ANKRD31: variants seen among roughly 807,000 people sequenced by gnomAD.
ANKRD31 encodes ankyrin repeat domain-containing protein 31.
ANKRD31 carries 147 observed loss-of-function variants against 186.0 expected under a neutral mutation model. The ratio of observed to expected loss-of-function variants is 0.79; its 90% CI spans 0.69 to 0.91. ANKRD31 has a LOEUF of 0.91. Ranked by LOEUF, ANKRD31 falls within the 40% of genes least tolerant of loss-of-function variation. The pLI is 0.00. For synonymous variants in ANKRD31, 673 were observed against 736.4 expected (o/e 0.91, Z 1.39); for missense variants, 1,986 against 2,148.8 (o/e 0.92, Z 1.50).
intron 10 of ANKRD31, among the ~76,000 whole-genome samples, chr5:75,187,301 A>G (rs1279623643): frequency 1.3e-5 from 2 of 152,040 alleles, no homozygotes; most frequent in Admixed American, 6.6e-5. Context: ...TAAGAAGGAA[A>G]AGTAGAGAAC....
rs1749349756 is a variant in ANKRD31, at chr5:75,127,529, C to T, written c.3877-9232G>A. Among the ~76,000 whole-genome samples the T allele has an allele frequency of 3.3e-5, 5 of 152,000 alleles. 1 individual carries two copies. The Middle Eastern group carries it at 0.017, about 517-fold the overall frequency. On this transcript the variant is annotated intron_variant, in intron 17 of 25. Transcript: ENST00000506364. ...TGCTAGTAACATACTGTCTTGATTA[C>T]TATAGCTATGGAATACATATCTACA... is the stretch of plus-strand genomic sequence containing the variant.
intron 10 of ANKRD31, among the ~76,000 whole-genome samples, chr5:75,187,523 T>C (rs1249026468): frequency 1.3e-5 from 2 of 150,064 alleles, no homozygotes; most frequent in Non-Finnish European, 3.0e-5. Context: ...AAAGTCAAAA[T>C]TGGCTGCATA....
chr5:75,206,786 C>T (rs948962153), intron 4 of ANKRD31, among the ~76,000 whole-genome samples: 2 of 152,036 alleles, frequency 1.3e-5, no homozygotes, highest in African/African-American at 2.4e-5. Context: ...CAAATAGGGG[C>T]AGGAAGGTCA....
intron 10 of ANKRD31, 111 bp downstream of exon 10, chr5:75,188,382 C>G: frequency 9.7e-7 from 1 of 1,032,030 alleles, no homozygotes; most frequent in Non-Finnish European, 1.3e-6. Flanking sequence ...GATCTGAAAG[C>G]CTTCTGTTTG....
intron 3 of ANKRD31, among the ~76,000 whole-genome samples, chr5:75,212,632 ACTGATTCTGCCTAAT>A (rs1756724802): frequency 6.6e-6 from 1 of 152,144 alleles, no homozygotes; most frequent in Non-Finnish European, 1.5e-5. Context: ...CCAACTCAAA[ACTGATTCTGCCTAAT>A]TCTTAATACA....
chr5:75,180,258 T>C (rs537297626), intron 10 of ANKRD31, among the ~76,000 whole-genome samples: 2 of 152,112 alleles, frequency 1.3e-5, no homozygotes, highest in Non-Finnish European at 2.9e-5. Flanking sequence ...GGAAGAACAT[T>C]CCATGCTCAT....
At chr5:75,098,447 G>GT (rs1382548701) in intron 22 of ANKRD31, among the ~76,000 whole-genome samples, 1 of 151,134 alleles carries the variant, frequency 6.6e-6, no homozygotes, top group Non-Finnish European at 1.5e-5. Flanking sequence ...CTTTCAAGTA[G>GT]TTTTTTCCAA....
chr5:75,188,864 C>T (rs1754912860), intron 9 of ANKRD31, among the ~76,000 whole-genome samples: 2 of 151,964 alleles, frequency 1.3e-5, no homozygotes, highest in Admixed American at 6.6e-5. Flanking sequence ...GAGACAAATG[C>T]CACTAGTCTT....
intron 10 of ANKRD31, among the ~76,000 whole-genome samples, chr5:75,188,256 C>T (rs900662485): frequency 6.6e-6 from 1 of 152,154 alleles, no homozygotes; most frequent in African/African-American, 2.4e-5. Flanking sequence ...CTGCACATAA[C>T]CCACCTGGCA....
At chr5:75,165,796 T>C (rs1034844821) in intron 11 of ANKRD31, among the ~76,000 whole-genome samples, 9 of 152,162 alleles carry the variant, frequency 5.9e-5, no homozygotes, top group African/African-American at 2.2e-4. Flanking sequence ...ATAAAAATCC[T>C]AAAATATAGA....
intron 21 of ANKRD31, among the ~76,000 whole-genome samples, chr5:75,107,180 A>T (rs1456930718): frequency 6.6e-6 from 1 of 152,044 alleles, no homozygotes; most frequent in African/African-American, 2.4e-5. Flanking sequence ...TGTGACAGCA[A>T]AAAAGAAACT....
chr5:75,128,226 G>C lies in ANKRD31; in HGVS notation c.3876+9630C>G, dbSNP rs565309334. On this transcript the variant is annotated intron_variant, in intron 17 of 25. Transcript: ENST00000506364. The stretch of plus-strand genomic sequence containing the variant: ...TGAACAATGAAAACACATGGACACA[G>C]GGAGGGGAACATCACACACTGGGGC... Among the ~76,000 whole-genome samples the C allele has an allele frequency of 1.7e-4, 25 of 151,452 alleles. No homozygotes were observed. The South Asian group carries it at 5.3e-3, about 32-fold the overall frequency.
chr5:75,188,507 T>C lies in ANKRD31; in HGVS notation c.1550A>G (p.Gln517Arg). ...TCCTAACTTACCAGCATAACTTGGCTGATTAACATTTCCACCTTTTTTTAT... is the reference window on the plus strand; with the variant it reads ...TCCTAACTTACCAGCATAACTTGGCCGATTAACATTTCCACCTTTTTTTAT... ...HCIKKGGNVN[Q>R]PSYAGWTALH... The change falls in exon 10 of 26, where the codon CAG becomes CGG. Residue 517 changes from glutamine to arginine, a missense_variant. Transcript: ENST00000506364. The C allele has an allele frequency of 6.5e-7, 1 of 1,535,596 alleles. No homozygotes were observed. Among genetic ancestry groups the C allele is most frequent in the Non-Finnish European group, 8.7e-7 (1 of 1,146,236 alleles).
At chr5:75,217,715 C>T (rs1318999484) in intron 3 of ANKRD31, among the ~76,000 whole-genome samples, 1 of 152,150 alleles carries the variant, frequency 6.6e-6, no homozygotes, top group Non-Finnish European at 1.5e-5. Flanking sequence ...ATCCCACTTG[C>T]CACTCTGTGT....
At chr5:75,220,574 A>G (rs952302184) in intron 3 of ANKRD31, among the ~76,000 whole-genome samples, 2 of 151,886 alleles carry the variant, frequency 1.3e-5, no homozygotes, top group Non-Finnish European at 2.9e-5. Flanking sequence ...CCTGGGAGGC[A>G]GACACTACAG....
Position 75,210,866 on chromosome 5 carries a change from C to G in ANKRD31, c.289-1G>C. The G allele has an allele frequency of 6.6e-7, 1 of 1,506,158 alleles. No homozygotes were observed. Among genetic ancestry groups the G allele is most frequent in the East Asian group, 2.5e-5 (1 of 39,770 alleles). The allele number at this position is 1,506,158 out of a possible 1,614,324, so 93.3% of individuals were successfully genotyped here. A position where few individuals can be genotyped will look rare whatever the true frequency, so the allele number is the denominator to read the frequency against. On this transcript the variant is annotated splice_acceptor_variant, in intron 3 of 25. Coordinates refer to ENST00000506364, the MANE Select transcript of ANKRD31 (RefSeq NM_001372053.1). LOFTEE classifies it high-confidence loss of function. ...GATTTCGTTCTGTTTCATCTTGAGA[C>G]TGCTAGGAAAAAAAAAAGTTTTTTC...
intron 3 of ANKRD31, among the ~76,000 whole-genome samples, chr5:75,213,169 G>A (rs1346712121): frequency 3.3e-5 from 5 of 152,108 alleles, no homozygotes; most frequent in East Asian, 1.9e-4. Flanking sequence ...AAGAAATGTC[G>A]AGAGACAAAC....
chr5:75,150,598 G>A (rs1445540480), intron 12 of ANKRD31, among the ~76,000 whole-genome samples: 1 of 151,938 alleles, frequency 6.6e-6, no homozygotes, highest in African/African-American at 2.4e-5. Context: ...TGGGAGCTTA[G>A]TCCTATGGAG....
At chr5:75,214,528 G>A (rs1363579) in intron 3 of ANKRD31, among the ~76,000 whole-genome samples, 5 of 151,990 alleles carry the variant, frequency 3.3e-5, no homozygotes, top group African/African-American at 7.2e-5. Context: ...ACCTGCCCAC[G>A]GGGGCTTTAA....
Sources: allele counts gnomAD v4.1 joint callset (sites outside exome capture counted in the v4.1 genomes callset), GRCh38; gene constraint gnomAD v4.1.1; transcripts MANE v1.5; gene names NCBI Gene and HGNC (gene_info 2026-07-23, HGNC 2026-07-21).